ADTRP: variants seen among roughly 807,000 people sequenced by gnomAD.
The protein encoded by ADTRP is androgen dependent TFPI regulating protein.
Under a neutral mutation model 27.0 loss-of-function variants are expected in ADTRP, and 20 were observed. That is an observed-to-expected ratio of 0.74 (90% CI 0.52 to 1.08). The LOEUF (loss-of-function observed/expected upper bound fraction) is 1.08, where lower values mean the gene tolerates loss of function less well. ADTRP is among the 50% of genes least tolerant of loss of function. The pLI is 0.00. For missense variants in ADTRP, 251 were observed against 275.0 expected (o/e 0.91, Z 0.62); for synonymous variants, 101 against 105.2 (o/e 0.96, Z 0.25).
intron 5 of ADTRP, among the ~76,000 whole-genome samples, chr6:11,723,037 G>A (rs1350288562): frequency 6.6e-6 from 1 of 152,130 alleles, no homozygotes; most frequent in Non-Finnish European, 1.5e-5. Flanking sequence ...TTCATGCTAG[G>A]GATGGTAATA....
At chr6:11,770,762 G>A (rs1763745209) in intron 1 of ADTRP, among the ~76,000 whole-genome samples, 2 of 152,240 alleles carry the variant, frequency 1.3e-5, no homozygotes, top group South Asian at 2.1e-4. Flanking sequence ...ACAGGGAGTT[G>A]GGAGAAGTTC....
At chr6:11,748,059 C>A (rs1762924218) in intron 3 of ADTRP, among the ~76,000 whole-genome samples, 4 of 152,204 alleles carry the variant, frequency 2.6e-5, no homozygotes, top group Admixed American at 1.3e-4. Context: ...CCGCACCAAT[C>A]AGAACAGACA....
At chr6:11,765,323 GTT>G (rs34943978) in intron 3 of ADTRP, among the ~76,000 whole-genome samples, 14 of 119,114 alleles carry the variant, frequency 1.2e-4, no homozygotes, top group South Asian at 2.6e-4. Context: ...CCCCTGGTTT[GTT>G]TTTTTTTTTT....
chr6:11,714,491 T>C lies in ADTRP; in HGVS notation c.680A>G (p.Lys227Arg), dbSNP rs201383117. The change falls in exon 6 of 6, where the codon AAG becomes AGG. Residue 227 changes from lysine (K) to arginine (R), a missense_variant. Transcript: ENST00000414691. ...WKWGDMRQPR[K>R]KRK ...AATGGTGTGCAATTACTTCCTCTTCTTCCGTGGCTGCCTCATGTCACCTGT... is the reference window on the plus strand; with the variant it reads ...AATGGTGTGCAATTACTTCCTCTTCCTCCGTGGCTGCCTCATGTCACCTGT... 219 of 1,613,714 alleles carry C rather than the reference T, an allele frequency of 1.4e-4. No homozygotes were observed. The highest frequency in any genetic ancestry group is 1.7e-4 in the Non-Finnish European group (198 of 1,179,926).
intron 1 of ADTRP, among the ~76,000 whole-genome samples, chr6:11,774,217 G>C (rs4713898): frequency 0.65 from 98,679 of 151,746 alleles, 32,478 homozygotes; most frequent in East Asian, 0.93. Flanking sequence ...GCTGAGGCAG[G>C]AGAATTACCT....
At chr6:11,761,080 T>C (rs1159712177) in intron 3 of ADTRP, among the ~76,000 whole-genome samples, 3 of 152,242 alleles carry the variant, frequency 2.0e-5, no homozygotes, top group African/African-American at 7.2e-5. Context: ...CAGTATTTCC[T>C]TGGAGGCTTT....
chr6:11,734,234 A>G (rs905270905), intron 4 of ADTRP, among the ~76,000 whole-genome samples: 3 of 152,264 alleles, frequency 2.0e-5, no homozygotes, highest in African/African-American at 7.2e-5. Flanking sequence ...ATTCCTTTGT[A>G]TTAAGCCAGA....
intron 5 of ADTRP, among the ~76,000 whole-genome samples, 186 bp downstream of exon 5, chr6:11,723,163 C>T (rs879183600): frequency 6.6e-6 from 1 of 152,088 alleles, no homozygotes; most frequent in Non-Finnish European, 1.5e-5. Context: ...TAAAAGAGTG[C>T]CCCACCCCCA....
rs1561778529 is a variant in ADTRP, at chr6:11,774,512, G to A, written c.153+4095C>T. ...CAGGCCAGCAACCCCAAGGACTTAT[G>A]TGGTATTGCCACTGTTGTCATCATG... is the stretch of plus-strand genomic sequence containing the variant. On this transcript the variant is annotated intron_variant, in intron 1 of 5. Coordinates refer to ENST00000414691, the MANE Select transcript of ADTRP (RefSeq NM_032744.4). Among the ~76,000 whole-genome samples, 4 of 152,032 alleles carry A rather than the reference G, an allele frequency of 2.6e-5. No individual in the cohort carries two copies. In the South Asian group the frequency reaches 8.3e-4, roughly 32 times the overall value.
At chr6:11,774,319 T>TAAATAAATAAAC in intron 1 of ADTRP, among the ~76,000 whole-genome samples, 1 of 151,458 alleles carries the variant, frequency 6.6e-6, no homozygotes, top group South Asian at 2.1e-4. Context: ...CAAAAATAAA[T>TAAATAAATAAAC]AAATAAATAA....
At chr6:11,724,443 G>A (rs1262213449) in intron 4 of ADTRP, among the ~76,000 whole-genome samples, 1 of 152,206 alleles carries the variant, frequency 6.6e-6, no homozygotes, top group Non-Finnish European at 1.5e-5. Flanking sequence ...TTGCTTATGT[G>A]AGGATAGGCT....
At chr6:11,771,320 C>T (rs1403798114) in intron 1 of ADTRP, among the ~76,000 whole-genome samples, 1 of 152,196 alleles carries the variant, frequency 6.6e-6, no homozygotes, top group South Asian at 2.1e-4. Flanking sequence ...CGTCTTTGTC[C>T]GAATTCACCA....
Position 11,768,196 on chromosome 6 carries a change from G to A in ADTRP, c.288+53C>T, listed in dbSNP as rs116033054. 9.3e-5 allele frequency: 148 copies of A among 1,596,018 alleles called. No individual in the cohort carries two copies. In the East Asian group the frequency reaches 2.1e-3, roughly 23 times the overall value. On this transcript the variant is annotated intron_variant, in intron 2 of 5. Transcript: ENST00000414691. ...AACAGCTTGGCTGCCCAGGAGAAGCGTCTGTCCATATGCACATTTCTGTTA... is the reference window on the plus strand; with the variant it reads ...AACAGCTTGGCTGCCCAGGAGAAGCATCTGTCCATATGCACATTTCTGTTA...
chr6:11,746,450 G>A (rs1046515104), intron 3 of ADTRP, among the ~76,000 whole-genome samples: 1 of 152,152 alleles, frequency 6.6e-6, no homozygotes, highest in Admixed American at 6.5e-5. Flanking sequence ...GCACATTGTA[G>A]GATGTTAAGC....
chr6:11,735,489 A>C (rs1200589872), intron 4 of ADTRP, 79 bp downstream of exon 4: 1 of 975,868 alleles, frequency 1.0e-6, no homozygotes, highest in Non-Finnish European at 1.6e-6. Context: ...GGATTCTGAC[A>C]GAACAGTACA....
At chr6:11,738,082 G>C (rs148539353) in intron 3 of ADTRP, among the ~76,000 whole-genome samples, 1 of 152,304 alleles carries the variant, frequency 6.6e-6, no homozygotes, top group East Asian at 1.9e-4. Context: ...ACGTGAGTGC[G>C]TGTAATATGC....
intron 3 of ADTRP, chr6:11,755,045 T>C (rs1319579238): frequency 1.0e-6 from 1 of 985,304 alleles, no homozygotes; most frequent in African/African-American, 1.7e-5. Flanking sequence ...AGCCTGGTTA[T>C]TCTCCAGCAT....
In ADTRP at chr6:11,725,529, T is replaced by C. The variant is rs58877356; in HGVS notation, c.507-2029A>G. 9.7e-3 allele frequency among the ~76,000 whole-genome samples: 1,476 copies of C among 152,284 alleles called. 22 individuals are homozygous for C. The highest frequency in any genetic ancestry group is 0.034 in the African/African-American group (1,394 of 41,554). On this transcript the variant is annotated intron_variant, in intron 4 of 5. Coordinates refer to ENST00000414691, the MANE Select transcript of ADTRP (RefSeq NM_032744.4). ...CTATATTTTTTTTAAAAAGACAAGA[T>C]AACAAGTGTTAGTAAGGACATAGAG...
chr6:11,733,515 G>A (rs757955357), intron 4 of ADTRP, among the ~76,000 whole-genome samples: 1 of 152,112 alleles, frequency 6.6e-6, no homozygotes, highest in Non-Finnish European at 1.5e-5. Flanking sequence ...CCTCAGCTTA[G>A]ACAGTGCTTC....
Sources: allele counts gnomAD v4.1 joint callset (sites outside exome capture counted in the v4.1 genomes callset), GRCh38; gene constraint gnomAD v4.1.1; transcripts MANE v1.5; gene names NCBI Gene and HGNC (gene_info 2026-07-23, HGNC 2026-07-21).